Variants in MIS18A observed in about 807,000 individuals in gnomAD.
MIS18A encodes protein Mis18-alpha.
MIS18A carries 14 observed loss-of-function variants against 25.0 expected under a neutral mutation model. The ratio of observed to expected loss-of-function variants is 0.56; its 90% confidence interval spans 0.37 to 0.88. The LOEUF is 0.88. Among genes scored for constraint, MIS18A ranks in the 40% least tolerant of loss-of-function variants. The pLI, the probability that MIS18A is intolerant of heterozygous loss-of-function variation, is 0.00. For synonymous variants in MIS18A, 134 were observed against 118.6 expected, an observed-to-expected ratio of 1.13 and a Z score of -0.84; for missense variants, 292 against 290.8, an observed-to-expected ratio of 1.00 and a Z score of -0.03.
chr21:32,213,559 T>G, the MIS18A span, among the ~76,000 whole-genome samples: 1 of 152,212 alleles, frequency 6.6e-6, no homozygotes, highest in African/African-American at 2.4e-5. Flanking sequence ...GGCTGGGAGA[T>G]GGGAGAAGAG....
At chr21:32,243,013 AG>A in the MIS18A span, among the ~76,000 whole-genome samples, 2 of 152,238 alleles carry the variant, frequency 1.3e-5, no homozygotes, top group Non-Finnish European at 2.9e-5. Context: ...CACTGGAAGA[AG>A]GATGGCTTTC....
the MIS18A span, among the ~76,000 whole-genome samples, chr21:32,221,529 C>T: frequency 6.6e-6 from 1 of 151,990 alleles, no homozygotes; most frequent in East Asian, 1.9e-4. Flanking sequence ...CAAAAACATA[C>T]CAAAATGTAA....
the MIS18A span, among the ~76,000 whole-genome samples, chr21:32,253,876 T>C: frequency 6.6e-6 from 1 of 152,134 alleles, no homozygotes; most frequent in African/African-American, 2.4e-5. Flanking sequence ...AAATTGGAAA[T>C]AGTTTTAGTT....
chr21:32,187,752 A>C, the MIS18A span, among the ~76,000 whole-genome samples: 2 of 152,174 alleles, frequency 1.3e-5, no homozygotes, highest in Non-Finnish European at 2.9e-5. Flanking sequence ...CTTCTTCCTC[A>C]GAGGATTTCA....
the MIS18A span, among the ~76,000 whole-genome samples, chr21:32,232,315 T>C: frequency 6.6e-6 from 1 of 151,758 alleles, no homozygotes; most frequent in Non-Finnish European, 1.5e-5. Flanking sequence ...GATATATCTA[T>C]AGATATAGCT....
the MIS18A span, among the ~76,000 whole-genome samples, chr21:32,156,115 C>T: frequency 6.6e-6 from 1 of 152,138 alleles, no homozygotes; most frequent in Non-Finnish European, 1.5e-5. Context: ...ACCAGAGCAG[C>T]AGCTTTGAAA....
the MIS18A span, among the ~76,000 whole-genome samples, chr21:32,205,088 G>GAAC: frequency 1.5e-5 from 2 of 136,820 alleles, no homozygotes; most frequent in South Asian, 4.9e-4. Context: ...ATCCTTATAA[G>GAAC]AACTTGTCCT....
At chr21:32,249,898 G>A in the MIS18A span, among the ~76,000 whole-genome samples, 2,050 of 152,254 alleles carry the variant, frequency 0.013, 51 homozygotes, top group African/African-American at 0.046. Context: ...CTTTGCAGGG[G>A]ACAAACATCC....
the MIS18A span, among the ~76,000 whole-genome samples, chr21:32,258,834 TTTTATTTA>T: frequency 6.8e-3 from 958 of 140,882 alleles, 7 homozygotes; most frequent in East Asian, 0.045. Context: ...AGGGTCTGCA[TTTTATTTA>T]TTTATTTATT....
At chr21:32,271,937 A>C (rs2031722465) in intron 2 of MIS18A, among the ~76,000 whole-genome samples, 1 of 152,212 alleles carries the variant, frequency 6.6e-6, no homozygotes, top group Non-Finnish European at 1.5e-5. Context: ...GAGAAACCAG[A>C]GGCTTGAACT....
the MIS18A span, among the ~76,000 whole-genome samples, chr21:32,226,806 A>G: frequency 6.6e-6 from 1 of 152,176 alleles, no homozygotes; most frequent in Non-Finnish European, 1.5e-5. Context: ...TCAAGCACAC[A>G]TGGGATATTT....
chr21:32,224,915 T>C, the MIS18A span, among the ~76,000 whole-genome samples: 1 of 136,416 alleles, frequency 7.3e-6, no homozygotes, highest in Non-Finnish European at 1.6e-5. Flanking sequence ...AGCATGGTAC[T>C]GGTACCAAAA....
At chr21:32,170,309 A>C in the MIS18A span, among the ~76,000 whole-genome samples, 6 of 152,202 alleles carry the variant, frequency 3.9e-5, no homozygotes, top group Non-Finnish European at 8.8e-5. Flanking sequence ...GTACTTTGGA[A>C]TACTACAGAA....
chr21:32,167,880 A>C, the MIS18A span, among the ~76,000 whole-genome samples: 1 of 152,214 alleles, frequency 6.6e-6, no homozygotes, highest in South Asian at 2.1e-4. Flanking sequence ...AGAAAACATA[A>C]GACTGACATC....
chr21:32,196,074 G>T, the MIS18A span, among the ~76,000 whole-genome samples: 1 of 151,976 alleles, frequency 6.6e-6, no homozygotes, highest in East Asian at 1.9e-4. Flanking sequence ...GTGTCAGCTT[G>T]ACTGGGCCAT....
chr21:32,243,520 C>T, the MIS18A span, among the ~76,000 whole-genome samples: 1,832 of 152,230 alleles, frequency 0.012, 30 homozygotes, highest in African/African-American at 0.04. Flanking sequence ...TGAAAATGAT[C>T]ATGAAGCACC....
the MIS18A span, among the ~76,000 whole-genome samples, chr21:32,246,207 A>G: frequency 6.6e-6 from 1 of 152,322 alleles, no homozygotes; most frequent in East Asian, 1.9e-4. Context: ...ACTAGGGATT[A>G]CATTTCAACA....
the MIS18A span, among the ~76,000 whole-genome samples, chr21:32,165,806 G>C: frequency 6.6e-6 from 1 of 152,062 alleles, no homozygotes; most frequent in Non-Finnish European, 1.5e-5. Context: ...ACTTTTAATG[G>C]TCACATGTCT....
chr21:32,166,260 A>G, the MIS18A span, among the ~76,000 whole-genome samples: 1 of 152,254 alleles, frequency 6.6e-6, no homozygotes, highest in Admixed American at 6.5e-5. Context: ...TTAAAAATCA[A>G]CCAGGAGGTC....
Sources: gnomAD v4.1 joint callset for allele counts (sites outside exome capture counted in the v4.1 genomes callset) on GRCh38, gnomAD v4.1.1 for gene constraint, MANE v1.5 for transcripts, NCBI Gene and HGNC (gene_info 2026-07-23, HGNC 2026-07-21) for gene names.